UVRAG: variants seen among roughly 807,000 people sequenced by gnomAD.
UVRAG encodes UV radiation resistance-associated gene protein.
In UVRAG, 19 loss-of-function variants were observed where a neutral mutation model predicts 78.0. That is an observed-to-expected ratio of 0.24 (90% CI 0.17 to 0.36). UVRAG has a LOEUF of 0.36. Ranked by LOEUF, UVRAG falls within the 10% of genes least tolerant of loss-of-function variation. The probability of loss-of-function intolerance (pLI) is 1.00; values close to 1 mark genes in which losing one functional copy is unlikely to be tolerated. For synonymous variants in UVRAG, 323 were observed against 324.6 expected, an observed-to-expected ratio of 1.00 and a Z score of 0.05; for missense variants, 740 against 853.8, an observed-to-expected ratio of 0.87 and a Z score of 1.66.
intron 2 of UVRAG, among the ~76,000 whole-genome samples, chr11:75,856,661 G>A (rs1232521889): frequency 6.6e-6 from 1 of 152,080 alleles, no homozygotes; most frequent in Non-Finnish European, 1.5e-5. Context: ...GTCTAGGCTG[G>A]TCCCAAACTT....
chr11:76,050,829 A>C (rs1413417238), intron 12 of UVRAG, among the ~76,000 whole-genome samples: 1 of 152,018 alleles, frequency 6.6e-6, no homozygotes, highest in Non-Finnish European at 1.5e-5. Context: ...CTATTATTAA[A>C]CCTATTTTAG....
chr11:76,046,949 C>T (rs1591173635), intron 12 of UVRAG, among the ~76,000 whole-genome samples: 1 of 151,906 alleles, frequency 6.6e-6, no homozygotes, highest in Non-Finnish European at 1.5e-5. Context: ...TTTTTTCAAC[C>T]ATGTATATGT....
chr11:76,111,002 C>T (rs1363300365), intron 13 of UVRAG, among the ~76,000 whole-genome samples: 1 of 151,884 alleles, frequency 6.6e-6, no homozygotes, highest in Non-Finnish European at 1.5e-5. Flanking sequence ...GGGAGGCGCA[C>T]ACCACCACAC....
At chr11:75,999,366 A>C (rs1473003475) in intron 8 of UVRAG, among the ~76,000 whole-genome samples, 1 of 151,730 alleles carries the variant, frequency 6.6e-6, no homozygotes, top group Non-Finnish European at 1.5e-5. Context: ...TACTTTTTTC[A>C]GTTGTTTTTT....
intron 9 of UVRAG, among the ~76,000 whole-genome samples, chr11:76,004,310 A>G (rs1394592960): frequency 6.6e-6 from 1 of 152,224 alleles, no homozygotes; most frequent in Non-Finnish European, 1.5e-5. Flanking sequence ...AGTTATAATC[A>G]GAAACATGAA....
At chr11:76,022,273 A>C (rs1367507563) in intron 12 of UVRAG, among the ~76,000 whole-genome samples, 1 of 152,180 alleles carries the variant, frequency 6.6e-6, no homozygotes, top group East Asian at 1.9e-4. Flanking sequence ...TTCTGCTGTC[A>C]TTAGATGCTA....
At chr11:75,983,152 AGT>A (rs1949426527) in intron 7 of UVRAG, among the ~76,000 whole-genome samples, 1 of 152,114 alleles carries the variant, frequency 6.6e-6, no homozygotes, top group African/African-American at 2.4e-5. Flanking sequence ...TATTTTGTGT[AGT>A]GTCTGTTGGG....
At chr11:75,977,359 G>C (rs1949266059) in intron 7 of UVRAG, among the ~76,000 whole-genome samples, 1 of 152,214 alleles carries the variant, frequency 6.6e-6, no homozygotes. Context: ...ATTTGGGGTG[G>C]AGAGTTCTGT....
At chr11:76,063,326 GAT>G (rs915283466) in intron 12 of UVRAG, among the ~76,000 whole-genome samples, 7 of 152,178 alleles carry the variant, frequency 4.6e-5, no homozygotes, top group Non-Finnish European at 7.3e-5. Context: ...AAGCCAGTTT[GAT>G]AGTTCACAAT....
intron 13 of UVRAG, among the ~76,000 whole-genome samples, chr11:76,109,488 A>G (rs1475909644): frequency 6.6e-6 from 1 of 152,172 alleles, no homozygotes; most frequent in Non-Finnish European, 1.5e-5. Context: ...AACTCTTACA[A>G]CTATCTTATG....
chr11:76,136,881 G>T (rs576320122), intron 14 of UVRAG, among the ~76,000 whole-genome samples: 17 of 152,258 alleles, frequency 1.1e-4, no homozygotes, highest in Non-Finnish European at 2.1e-4. Flanking sequence ...GCAGTTATTT[G>T]ATGGGTAATA....
At chr11:75,863,827 CA>C (rs1477009377) in intron 3 of UVRAG, among the ~76,000 whole-genome samples, 1 of 152,166 alleles carries the variant, frequency 6.6e-6, no homozygotes, top group East Asian at 1.9e-4. Flanking sequence ...GAATGTACCT[CA>C]TACAGTGTTT....
At chr11:75,922,084 A>G (rs1947992235) in intron 6 of UVRAG, among the ~76,000 whole-genome samples, 1 of 152,166 alleles carries the variant, frequency 6.6e-6, no homozygotes, top group African/African-American at 2.4e-5. Flanking sequence ...TAAAAGACCA[A>G]TCTTATTGGA....
intron 3 of UVRAG, among the ~76,000 whole-genome samples, chr11:75,872,525 A>T (rs1176244294): frequency 6.6e-6 from 1 of 151,746 alleles, no homozygotes; most frequent in Non-Finnish European, 1.5e-5. Context: ...AGTAGCTGAG[A>T]TACAGGCGCG....
At chr11:76,122,337 C>G (rs1359879899) in intron 14 of UVRAG, among the ~76,000 whole-genome samples, 2 of 152,044 alleles carry the variant, frequency 1.3e-5, no homozygotes, top group Admixed American at 1.3e-4. Flanking sequence ...AACAGTGGCC[C>G]AGTTAGGTGG....
intron 6 of UVRAG, among the ~76,000 whole-genome samples, chr11:75,945,216 G>A (rs1368092574): frequency 6.6e-6 from 1 of 152,024 alleles, no homozygotes; most frequent in African/African-American, 2.4e-5. Context: ...TGCTTTGGGG[G>A]GTTAAGAGAA....
At chr11:75,847,705 C>A (rs7948526) in intron 1 of UVRAG, among the ~76,000 whole-genome samples, 11,457 of 152,138 alleles carry the variant, frequency 0.075, 1,414 homozygotes, top group African/African-American at 0.26. Context: ...GGCACGGTGG[C>A]TCACGCCTGT....
intron 8 of UVRAG, among the ~76,000 whole-genome samples, chr11:76,001,864 A>G (rs1949820362): frequency 6.6e-6 from 1 of 152,236 alleles, no homozygotes; most frequent in African/African-American, 2.4e-5. Flanking sequence ...TTAGAGAAGA[A>G]TGCTGAGTGC....
At position 76,046,024 on chromosome 11, in the gene UVRAG, AATAC is replaced by A. The variant is rs551070586; in HGVS notation, c.1227-19680_1227-19677del. On this transcript the variant is annotated intron_variant, in intron 12 of 14. Transcript: ENST00000356136. ...TTCTAAAAGCTTGCAGAGAAAAAAA[AATAC>A]ATACAAAGGAATAGGAGTCATAATA... Among the ~76,000 whole-genome samples, 227 of 152,288 alleles carry A rather than the reference AATAC, an allele frequency of 1.5e-3. 1 individual carries two copies. Among genetic ancestry groups the A allele is most frequent in the African/African-American group, 5.2e-3 (217 of 41,576 alleles).
Sources: allele counts gnomAD v4.1 joint callset (sites outside exome capture counted in the v4.1 genomes callset), GRCh38; gene constraint gnomAD v4.1.1; transcripts MANE v1.5; gene names NCBI Gene and HGNC (gene_info 2026-07-23, HGNC 2026-07-21).